Variants in BICD1 observed in about 807,000 individuals in gnomAD.
BICD1 encodes the protein protein bicaudal D homolog 1.
Under a neutral mutation model 92.5 loss-of-function variants are expected in BICD1, and 35 were observed. The ratio of observed to expected loss-of-function variants is 0.38; its 90% CI spans 0.29 to 0.50. The LOEUF (loss-of-function observed/expected upper bound fraction) is 0.50, where lower values mean the gene tolerates loss of function less well. Ranked by LOEUF, BICD1 falls within the 20% of genes least tolerant of loss-of-function variation. BICD1 has a pLI of 0.93. For missense variants in BICD1, 950 were observed against 1,189.8 expected (o/e 0.80, Z 2.97); for synonymous variants, 429 against 465.1 (o/e 0.92, Z 1.00).
chr12:32,152,460 A>G (rs1943317402), intron 1 of BICD1, among the ~76,000 whole-genome samples: 1 of 152,078 alleles, frequency 6.6e-6, no homozygotes, highest in Admixed American at 6.6e-5. Flanking sequence ...TCCTGGCCTC[A>G]AGTGATCCTC....
chr12:32,180,952 T>C (rs956199300), intron 1 of BICD1, among the ~76,000 whole-genome samples: 5 of 151,918 alleles, frequency 3.3e-5, no homozygotes, highest in Admixed American at 6.6e-5. Context: ...TTTTTTTTAA[T>C]TTTATTGTAT....
Position 32,136,256 on chromosome 12 carries a change from C to T in BICD1, c.213+28712C>T, listed in dbSNP as rs532852527. Among the ~76,000 whole-genome samples, 8 of 152,344 alleles carry T rather than the reference C, an allele frequency of 5.3e-5. No homozygotes were observed. In the South Asian group the frequency reaches 1.7e-3, roughly 32 times the overall value. The stretch of plus-strand genomic sequence containing the variant: ...TTGAAGGTAGGGACCATGGCTTTCT[C>T]TTTCTTTACTGGACACTGTATAGAT... On this transcript the variant is annotated intron_variant, in intron 1 of 9. Coordinates refer to ENST00000652176, the MANE Select transcript of BICD1 (RefSeq NM_001714.4).
At chr12:32,342,767 C>T (rs531687891) in intron 8 of BICD1, among the ~76,000 whole-genome samples, 1 of 152,086 alleles carries the variant, frequency 6.6e-6, no homozygotes, top group Non-Finnish European at 1.5e-5. Flanking sequence ...TTATTCTGTA[C>T]AAGAGTTACT....
rs1449945830 is a variant in BICD1 at position 32,327,813 on chromosome 12, C to T, written c.1358C>T (p.Ala453Val). ...GTAGAAAACTACACTGATGAGAAGG[C>T]CAAGTATGAGAGTAAAATCCAGATG... ...KSVENYTDEK[A>V]KYESKIQMYD... Residue 453 changes from alanine to valine, a missense_variant, in exon 5 of 10, where the codon GCC becomes GTC. Transcript: ENST00000652176. 1 of 1,613,896 alleles carries T rather than the reference C, an allele frequency of 6.2e-7. No individual in the cohort carries two copies. The highest frequency in any genetic ancestry group is 2.2e-5 in the East Asian group (1 of 44,874).
chr12:32,243,088 A>G (rs1946277784), intron 2 of BICD1, among the ~76,000 whole-genome samples: 1 of 151,416 alleles, frequency 6.6e-6, no homozygotes. Flanking sequence ...ATATTTTTAA[A>G]ATGTATTTAG....
intron 8 of BICD1, among the ~76,000 whole-genome samples, chr12:32,356,831 CTTT>C (rs1164939147): frequency 6.6e-6 from 1 of 152,124 alleles, no homozygotes; most frequent in East Asian, 1.9e-4. Flanking sequence ...AACTGTGCAA[CTTT>C]TCTATCTCCA....
intron 2 of BICD1, among the ~76,000 whole-genome samples, chr12:32,253,756 C>A (rs1392120530): frequency 1.3e-5 from 2 of 152,188 alleles, no homozygotes; most frequent in Non-Finnish European, 2.9e-5. Flanking sequence ...TGGAACCACA[C>A]CTGTCATATT....
rs544284491 is a variant in BICD1 at position 32,165,651 on chromosome 12, T to C, written c.214-50596T>C. Among the ~76,000 whole-genome samples the C allele has an allele frequency of 8.2e-4, 121 of 146,896 alleles. 4 individuals carry two copies. In the South Asian group the frequency reaches 0.025, roughly 30 times the overall value. ...AGTGAGCTGAGATGCGCCACTGTACTACAGTCTGGTGACAGAGCCAGACTC... is the reference window on the plus strand; with the variant it reads ...AGTGAGCTGAGATGCGCCACTGTACCACAGTCTGGTGACAGAGCCAGACTC... On this transcript the variant is annotated intron_variant, in intron 1 of 9. Transcript: ENST00000652176.
intron 2 of BICD1, among the ~76,000 whole-genome samples, chr12:32,239,911 TC>T (rs1187993192): frequency 2.0e-5 from 3 of 152,092 alleles, no homozygotes; most frequent in African/African-American, 7.2e-5. Context: ...CCTGGCCCAC[TC>T]AAGCATTTTT....
chr12:32,149,591 G>A (rs1355829648), intron 1 of BICD1, among the ~76,000 whole-genome samples: 1 of 152,174 alleles, frequency 6.6e-6, no homozygotes, highest in Non-Finnish European at 1.5e-5. Context: ...AAAAATTAGT[G>A]TCAGAGTTAA....
At chr12:32,128,553 T>C (rs924815593) in intron 1 of BICD1, among the ~76,000 whole-genome samples, 9 of 152,230 alleles carry the variant, frequency 5.9e-5, no homozygotes, top group Admixed American at 2.0e-4. Flanking sequence ...AATTGCTTTT[T>C]ATCACTTTAC....
chr12:32,125,067 A>G (rs1400157977), intron 1 of BICD1, among the ~76,000 whole-genome samples: 1 of 152,182 alleles, frequency 6.6e-6, no homozygotes, highest in East Asian at 1.9e-4. Flanking sequence ...CCTGTGAATT[A>G]GGGAGAGGCA....
At chr12:32,196,623 G>A (rs551381660) in intron 1 of BICD1, among the ~76,000 whole-genome samples, 2 of 152,174 alleles carry the variant, frequency 1.3e-5, no homozygotes, top group Non-Finnish European at 2.9e-5. Flanking sequence ...CAGGGTCTGG[G>A]GGTGAGGGAT....
chr12:32,133,478 A>T (rs971369176), intron 1 of BICD1, among the ~76,000 whole-genome samples: 6 of 150,458 alleles, frequency 4.0e-5, no homozygotes, highest in African/African-American at 1.5e-4. Context: ...ACAGAACAAG[A>T]CTCCATCTGG....
At chr12:32,361,409 C>G (rs1334508586) in intron 8 of BICD1, among the ~76,000 whole-genome samples, 1 of 151,912 alleles carries the variant, frequency 6.6e-6, no homozygotes, top group Non-Finnish European at 1.5e-5. Flanking sequence ...AAAAATTAGC[C>G]AGGCATGGCA....
At chr12:32,360,778 A>G (rs1418441783) in intron 8 of BICD1, among the ~76,000 whole-genome samples, 1 of 152,164 alleles carries the variant, frequency 6.6e-6, no homozygotes, top group East Asian at 1.9e-4. Flanking sequence ...ACTTAGCCTG[A>G]CCTTATTATT....
At chr12:32,188,187 C>T (rs1944472456) in intron 1 of BICD1, among the ~76,000 whole-genome samples, 1 of 152,182 alleles carries the variant, frequency 6.6e-6, no homozygotes, top group Non-Finnish European at 1.5e-5. Context: ...ATCCACCCAC[C>T]TCGGCCTCCC....
intron 1 of BICD1, among the ~76,000 whole-genome samples, chr12:32,150,155 C>G (rs2450298): frequency 6.6e-6 from 1 of 152,276 alleles, no homozygotes; most frequent in East Asian, 1.9e-4. Context: ...CAATTACCTT[C>G]CACCGGGTCC....
At chr12:32,151,943 TTTG>T (rs967876677) in intron 1 of BICD1, among the ~76,000 whole-genome samples, 4 of 152,102 alleles carry the variant, frequency 2.6e-5, no homozygotes, top group Non-Finnish European at 4.4e-5. Context: ...GACTTGTTTT[TTTG>T]TTGTTGTTGT....
Sources: allele counts gnomAD v4.1 joint callset (sites outside exome capture counted in the v4.1 genomes callset), GRCh38; gene constraint gnomAD v4.1.1; transcripts MANE v1.5; gene names NCBI Gene and HGNC (gene_info 2026-07-23, HGNC 2026-07-21).